Variants in FSAF1 observed in about 807,000 individuals in gnomAD.
The protein encoded by FSAF1 is uncharacterized protein C1orf131.
chr1:231,227,057 T>C, the FSAF1 span: 1 of 1,614,172 alleles, frequency 6.2e-7, no homozygotes, highest in Non-Finnish European at 8.5e-7. Flanking sequence ...ACCGGTGCAC[T>C]TCTAAACGAG....
the FSAF1 span, chr1:231,227,176 C>G: frequency 8.5e-7 from 1 of 1,178,800 alleles, no homozygotes; most frequent in South Asian, 1.3e-5. Context: ...GTAATGACAG[C>G]GTACAGGAAT....
At chr1:231,231,548 G>A in the FSAF1 span, among the ~76,000 whole-genome samples, 7 of 152,128 alleles carry the variant, frequency 4.6e-5, no homozygotes, top group African/African-American at 1.7e-4. Flanking sequence ...TCGCCAGGCT[G>A]GAGTGCAGTG....
chr1:231,225,186 A>T, the FSAF1 span: 2 of 492,840 alleles, frequency 4.1e-6, no homozygotes, highest in Non-Finnish European at 7.3e-6. Flanking sequence ...CTGCTGTAGC[A>T]GCACTCTTAG....
chr1:231,226,783 G>T, the FSAF1 span: 1 of 1,610,062 alleles, frequency 6.2e-7, no homozygotes, highest in Non-Finnish European at 8.5e-7. Flanking sequence ...TCTTTAATTT[G>T]CTCCTGTAAA....
chr1:231,230,871 G>A, the FSAF1 span, among the ~76,000 whole-genome samples: 7 of 152,144 alleles, frequency 4.6e-5, no homozygotes, highest in Admixed American at 4.6e-4. Context: ...GTGGCACAGG[G>A]TCCAAAAAAC....
the FSAF1 span, chr1:231,229,152 T>C: frequency 2.6e-6 from 4 of 1,557,870 alleles, no homozygotes; most frequent in Non-Finnish European, 3.5e-6. Flanking sequence ...GTACATACTT[T>C]TTCTAGGTTA....
chr1:231,223,905 C>T, the FSAF1 span: 1 of 162,580 alleles, frequency 6.2e-6, no homozygotes, highest in Non-Finnish European at 1.3e-5. Context: ...AACATTAAAT[C>T]ATTAAAAATA....
At chr1:231,238,814 C>T in the FSAF1 span, 1 of 1,530,074 alleles carries the variant, frequency 6.5e-7, no homozygotes, top group Non-Finnish European at 8.9e-7. Context: ...TACTACAATA[C>T]CAGGGGGTTC....
the FSAF1 span, among the ~76,000 whole-genome samples, chr1:231,230,150 T>C: frequency 6.6e-6 from 1 of 152,064 alleles, no homozygotes; most frequent in African/African-American, 2.4e-5. Flanking sequence ...GACAATACTT[T>C]TTAGGGTCTC....
the FSAF1 span, chr1:231,229,184 C>T: frequency 6.3e-7 from 1 of 1,584,768 alleles, no homozygotes; most frequent in Non-Finnish European, 8.6e-7. Flanking sequence ...ATCCACATCT[C>T]TCTCCAAAAC....
the FSAF1 span, chr1:231,237,579 C>G: frequency 6.6e-6 from 1 of 152,204 alleles, no homozygotes; most frequent in Non-Finnish European, 1.5e-5. Context: ...AACCACAAGC[C>G]AAGGAAACTG....
chr1:231,224,556 T>C, the FSAF1 span: 1 of 756,434 alleles, frequency 1.3e-6, no homozygotes, highest in Non-Finnish European at 2.0e-6. Flanking sequence ...TACGCCTTCC[T>C]GTGGTCCCTG....
the FSAF1 span, among the ~76,000 whole-genome samples, chr1:231,227,585 G>GTTTTTTTTTTTT: frequency 9.8e-6 from 1 of 102,120 alleles, no homozygotes; most frequent in Non-Finnish European, 1.9e-5. Context: ...CTCGCCCACG[G>GTTTTTTTTTTTT]TTTTTTTTTT....
the FSAF1 span, chr1:231,240,940 G>A: frequency 2.6e-5 from 33 of 1,254,872 alleles, no homozygotes; most frequent in Non-Finnish European, 3.7e-5. This position sits in a 1 kb window ranked among gnomAD's most constrained non-coding sequence, Gnocchi z 4.1. Context: ...CCTCAAAGCA[G>A]AGGCCAACCC....
At chr1:231,239,303 A>G in the FSAF1 span, 2 of 807,170 alleles carry the variant, frequency 2.5e-6, no homozygotes, top group Admixed American at 6.7e-5. Flanking sequence ...CTAGAAGCAC[A>G]CACAAAGAAA....
the FSAF1 span, among the ~76,000 whole-genome samples, chr1:231,236,373 A>T: frequency 7.3e-5 from 11 of 149,822 alleles, no homozygotes; most frequent in Admixed American, 6.0e-4. Flanking sequence ...GGACACATTT[A>T]AAAAAAAAAC....
chr1:231,226,679 G>T, the FSAF1 span: 1 of 1,448,414 alleles, frequency 6.9e-7, no homozygotes, highest in Non-Finnish European at 9.7e-7. Context: ...GCATTCCACT[G>T]TGGCAAAGAG....
chr1:231,229,817 G>A, the FSAF1 span, among the ~76,000 whole-genome samples: 1 of 152,152 alleles, frequency 6.6e-6, no homozygotes, highest in Admixed American at 6.5e-5. Flanking sequence ...CTAGAATGGT[G>A]GCTGCCAGGG....
At chr1:231,240,976 G>T in the FSAF1 span, 3 of 1,537,168 alleles carry the variant, frequency 2.0e-6, no homozygotes, top group Non-Finnish European at 1.8e-6. The surrounding 1 kb of genome is among the most constrained non-coding windows in gnomAD (Gnocchi z 4.1). Flanking sequence ...GGAGACCCAC[G>T]TTCCTCAAAT....
Sources: gnomAD v4.1 joint callset for allele counts (sites outside exome capture counted in the v4.1 genomes callset) on GRCh38, gnomAD v4.1.1 for gene constraint, Gnocchi (gnomAD v3.1) non-coding constraint, MANE v1.5 for transcripts, NCBI Gene and HGNC (gene_info 2026-07-23, HGNC 2026-07-21) for gene names.